PLAGL1: variants seen among roughly 807,000 people sequenced by gnomAD.
PLAGL1 encodes the protein zinc finger protein PLAGL1.
Under a neutral mutation model 4.6 loss-of-function variants are expected in PLAGL1, and 1 was observed. The ratio of observed to expected loss-of-function variants is 0.22; its 90% CI spans 0.08 to 1.03. PLAGL1 has a LOEUF of 1.03. Among genes scored for constraint, PLAGL1 ranks in the 50% least tolerant of loss-of-function variants. The pLI is 0.58. For missense variants in PLAGL1, 464 were observed against 570.4 expected, an observed-to-expected ratio of 0.81 and a Z score of 1.90; for synonymous variants, 240 against 237.8, an observed-to-expected ratio of 1.01 and a Z score of -0.08.
chr6:143,943,031 A>ATT (rs61216054), intron 7 of PLAGL1, among the ~76,000 whole-genome samples: 1,425 of 64,648 alleles, frequency 0.022, 114 homozygotes, highest in African/African-American at 0.07. Flanking sequence ...GGCCTGGCTA[A>ATT]TTTTTTTTTT....
At chr6:144,049,284 GC>G (rs1009941767) in intron 1 of PLAGL1, among the ~76,000 whole-genome samples, 12 of 152,116 alleles carry the variant, frequency 7.9e-5, no homozygotes, top group African/African-American at 2.9e-4. Context: ...CCTCTTCTGG[GC>G]CCTCCAATCT....
rs1383185524 is a variant in PLAGL1, at chr6:143,970,982, T to C, written c.-543-2004A>G. Among the ~76,000 whole-genome samples the C allele has an allele frequency of 2.0e-5, 3 of 152,216 alleles. No individual in the cohort carries two copies. Among genetic ancestry groups the C allele is most frequent in the African/African-American group, 7.2e-5 (3 of 41,460 alleles). On this transcript the variant is annotated intron_variant, in intron 2 of 7. Transcript: ENST00000674357. This position sits in a 1 kb window ranked among gnomAD's most constrained non-coding sequence, Gnocchi z 5.8. Reference sequence around the variant, plus strand: ...GAAAAGTGCAGTTTGATTTCCTACATTTCCCTCCACTCTCTGCCTCTCCCT... The same window carrying C: ...GAAAAGTGCAGTTTGATTTCCTACACTTCCCTCCACTCTCTGCCTCTCCCT...
At chr6:144,051,790 A>G (rs1046665743) in intron 1 of PLAGL1, among the ~76,000 whole-genome samples, 7 of 152,132 alleles carry the variant, frequency 4.6e-5, no homozygotes, top group Admixed American at 4.6e-4. Context: ...CATTTTTAAA[A>G]CCATCAGATC....
At position 143,982,337 on chromosome 6, in the gene PLAGL1, C is replaced by A. The variant is rs1266380825; in HGVS notation, c.-544+2798G>T. 6.6e-6 allele frequency among the ~76,000 whole-genome samples: 1 copy of A among 151,972 alleles called. No individual in the cohort carries two copies. The highest frequency in any genetic ancestry group is 1.9e-4 in the East Asian group (1 of 5,180). On this transcript the variant is annotated intron_variant, in intron 2 of 7. Transcript: ENST00000674357. The surrounding 1 kb of genome is among the most constrained non-coding windows in gnomAD (Gnocchi z 5.3). ...TGGCTATTTCTGGGTACAATAATTG[C>A]AAAACTCGATGCAGAAACAAGAAAA...
In PLAGL1 at chr6:143,941,501, G is replaced by A. The variant is rs1228267731; in HGVS notation, c.1315C>T (p.Leu439=). 2 of 1,529,794 alleles carry A rather than the reference G, an allele frequency of 1.3e-6. No homozygotes were observed. The highest frequency in any genetic ancestry group is 1.8e-6 in the Non-Finnish European group (2 of 1,139,590). 94.8% of individuals were successfully genotyped at this position (1,529,794 alleles called of 1,614,324 possible). A position where few individuals can be genotyped will look rare whatever the true frequency, so the allele number is the denominator to read the frequency against. ...GAGAACACATGAGGGATGGGGGGCA[G>A]GGGGAGCTGGCCCAGGCTCACAGTG... The part of the protein sequence containing the change: ...MGTVSLGQLP[L]PPIPHVFSAG... Residue 439 remains leucine, a synonymous_variant, in exon 8 of 8, where the codon CTG becomes TTG. Coordinates refer to ENST00000674357, the MANE Select transcript of PLAGL1 (RefSeq NM_001317162.2). The surrounding 1 kb of genome is among the most constrained non-coding windows in gnomAD (Gnocchi z 6.0).
intron 1 of PLAGL1, among the ~76,000 whole-genome samples, chr6:143,999,735 T>C (rs1792424748): frequency 6.6e-6 from 1 of 152,186 alleles, no homozygotes; most frequent in Non-Finnish European, 1.5e-5. Flanking sequence ...TAAATCCAAA[T>C]CATGTGAATA....
chr6:143,980,334 T>C (rs1787639045), intron 2 of PLAGL1, among the ~76,000 whole-genome samples: 1 of 152,022 alleles, frequency 6.6e-6, no homozygotes, highest in South Asian at 2.1e-4. Flanking sequence ...ACATACATAT[T>C]TGGTCATTTC....
chr6:143,985,982 T>TTATATATATATA lies in PLAGL1; in HGVS notation c.-583-820_-583-809dup, dbSNP rs55768066. 0.026 allele frequency among the ~76,000 whole-genome samples: 2,929 copies of TTATATATATATA among 111,368 alleles called. 175 individuals carry two copies. The highest frequency in any genetic ancestry group is 0.049 in the South Asian group (160 of 3,298). The allele number at this position is 111,368 out of a possible 152,430, so 73.1% of individuals were successfully genotyped here. Reference sequence around the variant, plus strand: ...TATATCAAATTATATATATATAAAATTATATATATATATATATATATATAT... The same window carrying TTATATATATATA: ...TATATCAAATTATATATATATAAAATTATATATATATATATATATATATATATATATATATAT... On this transcript the variant is annotated intron_variant, in intron 1 of 7. Coordinates refer to ENST00000674357, the MANE Select transcript of PLAGL1 (RefSeq NM_001317162.2). This position sits in a 1 kb window ranked among gnomAD's most constrained non-coding sequence, Gnocchi z 4.4.
chr6:144,044,015 T>C (rs1004094338), intron 1 of PLAGL1, among the ~76,000 whole-genome samples: 6 of 152,284 alleles, frequency 3.9e-5, no homozygotes, highest in African/African-American at 1.2e-4. Context: ...CGTGGGATCA[T>C]TGGTGATATC....
chr6:143,957,425 C>A lies in PLAGL1; in HGVS notation c.-325+3044G>T, dbSNP rs2268448. Among the ~76,000 whole-genome samples the A allele has an allele frequency of 1.3e-5, 2 of 151,978 alleles. No homozygotes were observed. Among genetic ancestry groups the A allele is most frequent in the South Asian group, 2.1e-4 (1 of 4,820 alleles). The stretch of plus-strand genomic sequence containing the variant: ...CCTTTATGATAGCTGAAAATACATC[C>A]CCCTCCTCACTCCCTAGAAACCCTT... On this transcript the variant is annotated intron_variant, in intron 6 of 7. Coordinates refer to ENST00000674357, the MANE Select transcript of PLAGL1 (RefSeq NM_001317162.2). This position sits in a 1 kb window ranked among gnomAD's most constrained non-coding sequence, Gnocchi z 4.2.
At position 144,053,968 on chromosome 6, in the gene PLAGL1, C is replaced by A. The variant is rs755067664; in HGVS notation, c.-151+10500G>T. On this transcript the variant is annotated intron_variant, in intron 1 of 3. Coordinates refer to the PLAGL1 transcript ENST00000437412. The surrounding 1 kb of genome is among the most constrained non-coding windows in gnomAD (Gnocchi z 4.0). ...AGAAGAACACCATCAACTTCAAAAT[C>A]CATCAGGAAAGGGATATTCATTTCT... Among the ~76,000 whole-genome samples, 1 of 152,152 alleles carries A rather than the reference C, an allele frequency of 6.6e-6. No individual in the cohort carries two copies. Among genetic ancestry groups the A allele is most frequent in the Non-Finnish European group, 1.5e-5 (1 of 68,034 alleles).
At chr6:144,025,397 G>A (rs532252971) in intron 1 of PLAGL1, among the ~76,000 whole-genome samples, 27 of 152,228 alleles carry the variant, frequency 1.8e-4, no homozygotes, top group African/African-American at 6.5e-4. Context: ...AAAATGACTG[G>A]AATCCATCCA....
chr6:143,988,544 A>G (rs1789711121), intron 1 of PLAGL1, among the ~76,000 whole-genome samples: 1 of 152,242 alleles, frequency 6.6e-6, no homozygotes, highest in Admixed American at 6.5e-5. Flanking sequence ...TCTGCCAGGA[A>G]GATGATATCC....
chr6:144,052,944 T>C (rs1471731322), intron 1 of PLAGL1, among the ~76,000 whole-genome samples: 3 of 152,242 alleles, frequency 2.0e-5, no homozygotes, highest in African/African-American at 7.2e-5. Context: ...TTTAATTCTT[T>C]CTTGGTATCA....
At position 144,056,341 on chromosome 6, in the gene PLAGL1, C is replaced by T. The variant is rs769287891; in HGVS notation, c.-151+8127G>A. On this transcript the variant is annotated intron_variant, in intron 1 of 3. Transcript: ENST00000437412. The surrounding 1 kb of genome is among the most constrained non-coding windows in gnomAD (Gnocchi z 4.7). Reference sequence around the variant, plus strand: ...AATCCACACTGACACACCATTATCACCCAGCGTCCATGGTTCACATTCGGG... The same window carrying T: ...AATCCACACTGACACACCATTATCATCCAGCGTCCATGGTTCACATTCGGG... Among the ~76,000 whole-genome samples, 31 of 152,166 alleles carry T rather than the reference C, an allele frequency of 2.0e-4. No homozygotes were observed. The highest frequency in any genetic ancestry group is 4.4e-4 in the Non-Finnish European group (30 of 68,032).
Position 144,027,205 on chromosome 6 carries a change from CAGAG to C in PLAGL1, c.-151+37259_-151+37262del. The stretch of plus-strand genomic sequence containing the variant: ...TGCCACTGCACTCCAGCTTGGGTGA[CAGAG>C]AAAGACCCCAACTCAAAGAACGAAC... On this transcript the variant is annotated intron_variant, in intron 1 of 3. Coordinates refer to the PLAGL1 transcript ENST00000437412. This position sits in a 1 kb window ranked among gnomAD's most constrained non-coding sequence, Gnocchi z 5.8. Among the ~76,000 whole-genome samples, 1 of 141,358 alleles carries C rather than the reference CAGAG, an allele frequency of 7.1e-6. No homozygotes were observed. The highest frequency in any genetic ancestry group is 2.2e-4 in the South Asian group (1 of 4,628). The allele number at this position is 141,358 out of a possible 152,430, so 92.7% of individuals were successfully genotyped here.
rs1226387410 is a variant in PLAGL1, at chr6:143,940,416, A to G, written c.*1008T>C. On this transcript the variant is annotated 3_prime_UTR_variant, in exon 8 of 8. Transcript: ENST00000674357. Reference sequence around the variant, plus strand: ...GGTTTTACATCTTTAAAACTCATTAATAAGATACCAAATTCAAGAGATTAT... The same window carrying G: ...GGTTTTACATCTTTAAAACTCATTAGTAAGATACCAAATTCAAGAGATTAT... 1 of 152,242 alleles carries G rather than the reference A, an allele frequency of 6.6e-6. No individual in the cohort carries two copies. Among genetic ancestry groups the G allele is most frequent in the Non-Finnish European group, 1.5e-5 (1 of 68,038 alleles). The allele number at this position is 152,242 out of a possible 1,614,324, so 9.4% of individuals were successfully genotyped here.
chr6:144,042,745 A>G (rs1797836684), intron 1 of PLAGL1, among the ~76,000 whole-genome samples: 1 of 152,162 alleles, frequency 6.6e-6, no homozygotes, highest in Non-Finnish European at 1.5e-5. Context: ...ATGGCATTGA[A>G]TCTATAAATT....
At chr6:143,991,059 TTAG>T (rs1218467222) in intron 1 of PLAGL1, among the ~76,000 whole-genome samples, 8 of 152,224 alleles carry the variant, frequency 5.3e-5, no homozygotes, top group African/African-American at 1.7e-4. Flanking sequence ...TCATTGTTTC[TTAG>T]TTGTTTCCAT....
Sources: gnomAD v4.1 joint callset for allele counts (sites outside exome capture counted in the v4.1 genomes callset) on GRCh38, gnomAD v4.1.1 for gene constraint, Gnocchi (gnomAD v3.1) non-coding constraint, MANE v1.5 for transcripts, NCBI Gene and HGNC (gene_info 2026-07-23, HGNC 2026-07-21) for gene names.